Variants in GPR39 observed in about 807,000 individuals in gnomAD.
GPR39 encodes the protein G protein-coupled receptor 39.
GPR39 carries 23 observed loss-of-function variants against 18.4 expected under a neutral mutation model. The ratio of observed to expected loss-of-function variants is 1.25; its 90% CI spans 0.90 to 1.77. The LOEUF (loss-of-function observed/expected upper bound fraction) is 1.77, where lower values mean the gene tolerates loss of function less well. GPR39 is among the 40% of genes most tolerant of loss of function. The pLI is 0.00. For missense variants in GPR39, 647 were observed against 602.4 expected (o/e 1.07, Z -0.78); for synonymous variants, 280 against 257.9 (o/e 1.09, Z -0.82).
intron 1 of GPR39, among the ~76,000 whole-genome samples, chr2:132,490,723 G>A (rs1052697676): frequency 6.6e-6 from 1 of 151,910 alleles, no homozygotes; most frequent in African/African-American, 2.4e-5. Context: ...CCTGAACAGG[G>A]TGAGGGAGGT....
At chr2:132,463,185 T>C (rs1680864293) in intron 1 of GPR39, among the ~76,000 whole-genome samples, 1 of 152,154 alleles carries the variant, frequency 6.6e-6, no homozygotes, top group African/African-American at 2.4e-5. Context: ...GATAGGCAAG[T>C]ATATAAACTG....
Position 132,438,073 on chromosome 2 carries a change from C to T in GPR39, c.856+20175C>T, listed in dbSNP as rs150359868. ...AAACATTGGGGTTTCAGGGAAGGGA[C>T]GGAGTGTTGCAGCAATCCTGGAAGC... On this transcript the variant is annotated intron_variant, in intron 1 of 1. Coordinates refer to ENST00000329321, the MANE Select transcript of GPR39 (RefSeq NM_001508.3). Among the ~76,000 whole-genome samples the T allele has an allele frequency of 1.3e-3, 203 of 152,268 alleles. 3 individuals are homozygous for T. The highest frequency in any genetic ancestry group is 3.4e-3 in the Middle Eastern group (1 of 294).
intron 1 of GPR39, among the ~76,000 whole-genome samples, chr2:132,553,149 C>G (rs112251337): frequency 6.6e-6 from 1 of 151,548 alleles, no homozygotes; most frequent in African/African-American, 2.4e-5. Flanking sequence ...TGGTCTCAAA[C>G]TCCTGACCTC....
At chr2:132,494,625 T>C (rs1055669078) in intron 1 of GPR39, among the ~76,000 whole-genome samples, 1 of 152,162 alleles carries the variant, frequency 6.6e-6, no homozygotes, top group South Asian at 2.1e-4. Context: ...ATTATGCTTT[T>C]CTCTATGCTG....
intron 1 of GPR39, among the ~76,000 whole-genome samples, chr2:132,511,897 T>C (rs969447402): frequency 2.2e-5 from 2 of 92,140 alleles, no homozygotes; most frequent in Non-Finnish European, 5.0e-5. Flanking sequence ...ACTCTATACA[T>C]TGAACCACTG....
At chr2:132,514,249 C>T (rs1027149087) in intron 1 of GPR39, among the ~76,000 whole-genome samples, 2 of 152,120 alleles carry the variant, frequency 1.3e-5, no homozygotes, top group African/African-American at 4.8e-5. Flanking sequence ...ACATCTCCAC[C>T]GATACAGACC....
At chr2:132,531,547 C>A (rs9751527) in intron 1 of GPR39, among the ~76,000 whole-genome samples, 53 of 152,136 alleles carry the variant, frequency 3.5e-4, no homozygotes, top group Non-Finnish European at 6.8e-4. Flanking sequence ...TCAACAGAAT[C>A]TACATTCTTT....
intron 1 of GPR39, among the ~76,000 whole-genome samples, chr2:132,445,795 G>T (rs1680524213): frequency 6.6e-6 from 1 of 152,156 alleles, no homozygotes; most frequent in African/African-American, 2.4e-5. Context: ...ACACATTAGG[G>T]TAAACAGTAG....
chr2:132,624,977 G>C lies in GPR39; in HGVS notation c.857-20124G>C, dbSNP rs550268058. Among the ~76,000 whole-genome samples the C allele has an allele frequency of 1.4e-4, 22 of 152,130 alleles. 1 individual carries two copies. Among genetic ancestry groups the C allele is most frequent in the African/African-American group, 5.1e-4 (21 of 41,476 alleles). Reference sequence around the variant, plus strand: ...TTTCTGGGTCATAGGTTCTGCACATGAACAGCTCTACTAGAGACTGTCAAA... The same window carrying C: ...TTTCTGGGTCATAGGTTCTGCACATCAACAGCTCTACTAGAGACTGTCAAA... On this transcript the variant is annotated intron_variant, in intron 1 of 1. Coordinates refer to ENST00000329321, the MANE Select transcript of GPR39 (RefSeq NM_001508.3).
chr2:132,431,313 CT>C (rs1331687365), intron 1 of GPR39, among the ~76,000 whole-genome samples: 1 of 152,220 alleles, frequency 6.6e-6, no homozygotes, highest in Non-Finnish European at 1.5e-5. Flanking sequence ...GCCAGGACTC[CT>C]TATTTCAGAT....
chr2:132,572,814 T>C (rs1430209181), intron 1 of GPR39, among the ~76,000 whole-genome samples: 2 of 152,320 alleles, frequency 1.3e-5, no homozygotes, highest in East Asian at 3.9e-4. Context: ...GAAGAAATAA[T>C]AGAATTGATT....
intron 1 of GPR39, among the ~76,000 whole-genome samples, chr2:132,599,152 T>G (rs1054416825): frequency 2.0e-5 from 3 of 152,066 alleles, no homozygotes; most frequent in African/African-American, 7.2e-5. Context: ...AAGCGGCTCC[T>G]GCTGGGCAGA....
intron 1 of GPR39, among the ~76,000 whole-genome samples, chr2:132,427,131 CATATATATATATATATATATAT>C (rs199931479): frequency 2.5e-5 from 2 of 80,778 alleles, no homozygotes; most frequent in Non-Finnish European, 4.5e-5. Flanking sequence ...TATATAGGTA[CATATATATATATATATATATAT>C]ATATATATAT....
At chr2:132,612,969 T>G (rs1353962003) in intron 1 of GPR39, among the ~76,000 whole-genome samples, 2 of 152,194 alleles carry the variant, frequency 1.3e-5, no homozygotes, top group African/African-American at 4.8e-5. Context: ...CTTTAAAAAT[T>G]TCTGTTATTA....
At chr2:132,446,503 A>G (rs1345429426) in intron 1 of GPR39, among the ~76,000 whole-genome samples, 1 of 152,250 alleles carries the variant, frequency 6.6e-6, no homozygotes, top group African/African-American at 2.4e-5. Context: ...CTGGACATGT[A>G]GGAGAGAACA....
At position 132,417,699 on chromosome 2, in the gene GPR39, G is replaced by T. The variant is rs1679934663; in HGVS notation, c.657G>T (p.Val219=). 5 of 1,614,190 alleles carry T rather than the reference G, an allele frequency of 3.1e-6. No homozygotes were observed. Among genetic ancestry groups the T allele is most frequent in the Non-Finnish European group, 4.2e-6 (5 of 1,180,018 alleles). Residue 219 remains valine (V), a synonymous_variant, in exon 1 of 2, where the codon GTG becomes GTT. Coordinates refer to ENST00000329321, the MANE Select transcript of GPR39 (RefSeq NM_001508.3). ...CCAACCTCTCCAGCCGCTGGACCGTGTTCCAGTCCAGCATCTTCGGCGCCT... is the reference window on the plus strand; with the variant it reads ...CCAACCTCTCCAGCCGCTGGACCGTTTTCCAGTCCAGCATCTTCGGCGCCT... ...ICTNLSSRWT[V]FQSSIFGAFV... is the part of the protein sequence containing the mutation.
chr2:132,628,398 A>G (rs78386367), intron 1 of GPR39, among the ~76,000 whole-genome samples: 286 of 152,206 alleles, frequency 1.9e-3, no homozygotes, highest in African/African-American at 6.7e-3. Context: ...AGACCAGCAG[A>G]CTCAAATGTG....
At chr2:132,565,524 A>G (rs868152868) in intron 1 of GPR39, among the ~76,000 whole-genome samples, 5 of 147,362 alleles carry the variant, frequency 3.4e-5, no homozygotes, top group African/African-American at 1.3e-4. Flanking sequence ...AGCCTTAGGT[A>G]TATCTCCCAA....
intron 1 of GPR39, among the ~76,000 whole-genome samples, chr2:132,507,761 C>G (rs1464902919): frequency 6.6e-6 from 1 of 152,184 alleles, no homozygotes; most frequent in African/African-American, 2.4e-5. Flanking sequence ...TAGAACAACT[C>G]AGAGAACTTA....
Sources: gnomAD v4.1 joint callset for allele counts (sites outside exome capture counted in the v4.1 genomes callset) on GRCh38, gnomAD v4.1.1 for gene constraint, MANE v1.5 for transcripts, NCBI Gene and HGNC (gene_info 2026-07-23, HGNC 2026-07-21) for gene names.